The following COG7 variants were observed in gnomAD, a reference collection of about 807,000 sequenced individuals.
COG7 encodes the protein conserved oligomeric Golgi complex subunit 7.
COG7 carries 49 observed loss-of-function variants against 91.5 expected under a neutral mutation model. The ratio of observed to expected loss-of-function variants is 0.54; its 90% CI spans 0.43 to 0.68. The LOEUF is 0.68. COG7 is among the 30% of genes least tolerant of loss of function. The pLI, the probability that COG7 is intolerant of heterozygous loss-of-function variation, is 0.00. For missense variants in COG7, 895 were observed against 961.3 expected (o/e 0.93, Z 0.91); for synonymous variants, 365 against 388.7 (o/e 0.94, Z 0.72).
At chr16:23,452,798 C>A in intron 1 of COG7, 28 bp downstream of exon 1, 1 of 1,598,080 alleles carries the variant, frequency 6.3e-7, no homozygotes, top group Non-Finnish European at 8.5e-7. Context: ...AGGGGAGGGT[C>A]CCGCGGCCAG....
intron 7 of COG7, 56 bp from the exon 8 acceptor site, chr16:23,418,883 T>C (rs1963702819): frequency 2.6e-6 from 4 of 1,555,666 alleles, no homozygotes; most frequent in Non-Finnish European, 3.5e-6. Flanking sequence ...AAATTAACTG[T>C]GGGAAAGCAA....
chr16:23,397,439 G>T (rs1180631779), intron 14 of COG7, among the ~76,000 whole-genome samples: 1 of 152,192 alleles, frequency 6.6e-6, no homozygotes, highest in East Asian at 1.9e-4. Context: ...GGAAGTAACG[G>T]AAGGAAAGGC....
At chr16:23,431,507 C>T (rs1261122102) in intron 6 of COG7, among the ~76,000 whole-genome samples, 1 of 152,064 alleles carries the variant, frequency 6.6e-6, no homozygotes, top group Admixed American at 6.6e-5. Context: ...GAGGCAAGAA[C>T]ACATGAATAA....
Position 23,393,361 on chromosome 16 carries a change from A to G in COG7, c.1888-14T>C. On this transcript the variant is annotated splice_polypyrimidine_tract_variant and intron_variant, in intron 14 of 16. Transcript: ENST00000307149. ...GTACTGCCCGATCTGAAACAAAAGA[A>G]AGCGCTGTTAGCCTGACATTGACAC... 6.3e-7 allele frequency: 1 copy of G among 1,589,708 alleles called. No homozygotes were observed. Among genetic ancestry groups the G allele is most frequent in the Non-Finnish European group, 8.6e-7 (1 of 1,157,850 alleles).
Position 23,433,611 on chromosome 16 carries a change from C to A in COG7, c.744G>T (p.Arg248=), listed in dbSNP as rs1390377170. The change falls in exon 6 of 17, where the codon CGG becomes CGT. Residue 248 remains arginine, a synonymous_variant. Transcript: ENST00000307149. ...ELCQSDLSLD[R]QLTGLYDALL... ...AGGCATCATAGAGTCCGGTAAGCTG[C>A]CGGTCCAGGGATAGGTCACTTTGAC... The A allele has an allele frequency of 6.2e-7, 1 of 1,613,934 alleles. No homozygotes were observed. Among genetic ancestry groups the A allele is most frequent in the South Asian group, 1.1e-5 (1 of 91,076 alleles).
chr16:23,415,603 G>A (rs1963639536), intron 9 of COG7: 2 of 152,188 alleles, frequency 1.3e-5, no homozygotes, highest in South Asian at 2.1e-4. Context: ...TTGGAAAGGA[G>A]ATATTGTCAT....
At chr16:23,438,929 G>A (rs911713096) in intron 4 of COG7, among the ~76,000 whole-genome samples, 5 of 151,890 alleles carry the variant, frequency 3.3e-5, no homozygotes, top group South Asian at 2.1e-4. Context: ...AGGCCAAGAC[G>A]GGCGGATCAC....
At chr16:23,410,530 T>C (rs1054015302) in intron 10 of COG7, among the ~76,000 whole-genome samples, 170 bp from the exon 11 acceptor site, 1 of 152,162 alleles carries the variant, frequency 6.6e-6, no homozygotes, top group Non-Finnish European at 1.5e-5. Flanking sequence ...CATTAGTCAT[T>C]AATGTAAAAA....
rs911376501 is a variant in COG7, at chr16:23,407,571, C to T, written c.1476-1309G>A. 2.6e-5 allele frequency among the ~76,000 whole-genome samples: 4 copies of T among 152,218 alleles called. No homozygotes were observed. The South Asian group carries it at 6.2e-4, about 24-fold the overall frequency. On this transcript the variant is annotated intron_variant, in intron 11 of 16. Transcript: ENST00000307149. The stretch of plus-strand genomic sequence containing the variant: ...GACCCCAGGAGGTTTCAGCCCTCTG[C>T]GCCATCAGCCAATGGCAGAGCTCCC...
rs112011340 is a variant in COG7 at position 23,388,937 on chromosome 16, G to A, written c.2296C>T (p.Arg766Trp). 1.6e-5 allele frequency: 26 copies of A among 1,614,006 alleles called. No homozygotes were observed. The highest frequency in any genetic ancestry group is 4.0e-5 in the African/African-American group (3 of 74,916). Residue 766 changes from arginine to tryptophan, a missense_variant, in exon 17 of 17, where the codon CGG becomes TGG. Physicochemically the swap from Arg to Trp is moderately radical, Grantham distance 101. Coordinates refer to ENST00000307149, the MANE Select transcript of COG7 (RefSeq NM_153603.4). ...RRLATTVATM[R>W]SVNY is the part of the protein sequence containing the mutation. ...TGGTGGGGTCAGTAATTCACACTCC[G>A]CATGGTGGCCACGGTGGTGGCCAGG...
At chr16:23,398,203 C>A in intron 13 of COG7, 74 bp from the exon 14 acceptor site, 1 of 1,208,312 alleles carries the variant, frequency 8.3e-7, no homozygotes, top group Non-Finnish European at 1.2e-6. Flanking sequence ...CAGAAATACA[C>A]AAGAAGAACA....
chr16:23,406,313 T>G (rs753720136), intron 11 of COG7, 51 bp from the exon 12 acceptor site: 5 of 1,496,574 alleles, frequency 3.3e-6, no homozygotes, highest in Non-Finnish European at 4.6e-6. Context: ...CATGGAACTT[T>G]CTTCTTGGAG....
chr16:23,443,939 G>A (rs1246636157), intron 3 of COG7, among the ~76,000 whole-genome samples: 1 of 151,978 alleles, frequency 6.6e-6, no homozygotes, highest in Non-Finnish European at 1.5e-5. Context: ...ATCACCTGAG[G>A]TCAGTAGTTC....
At position 23,407,292 on chromosome 16, in the gene COG7, G is replaced by C. The variant is rs1250470363; in HGVS notation, c.1476-1030C>G. Among the ~76,000 whole-genome samples, 3 of 152,106 alleles carry C rather than the reference G, an allele frequency of 2.0e-5. No individual in the cohort carries two copies. The East Asian group carries it at 5.8e-4, about 29-fold the overall frequency. On this transcript the variant is annotated intron_variant, in intron 11 of 16. Coordinates refer to ENST00000307149, the MANE Select transcript of COG7 (RefSeq NM_153603.4). ...TTGAGCCAACCAGTAACTTTGGTTG[G>C]GTCTCTTATCTGTCAAACTGTGGCC... is the stretch of plus-strand genomic sequence containing the variant.
At chr16:23,389,150 C>T in intron 16 of COG7, 64 bp from the exon 17 acceptor site, 1 of 1,576,278 alleles carries the variant, frequency 6.3e-7, no homozygotes, top group South Asian at 1.1e-5. Context: ...GTCAGAGCCC[C>T]ACAGGGCCTC....
chr16:23,406,890 T>C (rs531438579), intron 11 of COG7, among the ~76,000 whole-genome samples: 1 of 152,300 alleles, frequency 6.6e-6, no homozygotes, highest in Admixed American at 6.5e-5. Context: ...GGAGGTTTCA[T>C]ATGATAATCC....
At chr16:23,409,927 C>T (rs1307522193) in intron 11 of COG7, among the ~76,000 whole-genome samples, 2 of 152,220 alleles carry the variant, frequency 1.3e-5, no homozygotes, top group African/African-American at 2.4e-5. Flanking sequence ...TTCACCACCA[C>T]TTGTCACACC....
intron 3 of COG7, 44 bp downstream of exon 3, chr16:23,445,004 T>C (rs769298354): frequency 2.8e-6 from 4 of 1,426,170 alleles, no homozygotes; most frequent in Non-Finnish European, 4.0e-6. Context: ...CCTCAAGTTC[T>C]TGCTTAAATA....
At chr16:23,434,502 C>A in intron 5 of COG7, 134 bp downstream of exon 5, 1 of 732,626 alleles carries the variant, frequency 1.4e-6, no homozygotes, top group Non-Finnish European at 2.5e-6. Context: ...CCCCTACTGG[C>A]TAACTAAGAG....
Sources: gnomAD v4.1 joint callset for allele counts (sites outside exome capture counted in the v4.1 genomes callset) on GRCh38, gnomAD v4.1.1 for gene constraint, MANE v1.5 for transcripts, NCBI Gene and HGNC (gene_info 2026-07-23, HGNC 2026-07-21) for gene names.